The following MPP2 variants were observed in gnomAD, a reference collection of about 807,000 sequenced individuals.
The protein encoded by MPP2 is MAGUK p55 subfamily member 2.
In MPP2, 42 loss-of-function variants were observed where a neutral mutation model predicts 58.5. The ratio of observed to expected loss-of-function variants is 0.72; its 90% CI spans 0.56 to 0.93. MPP2 has a LOEUF of 0.93. Ranked by LOEUF, MPP2 falls within the 40% of genes least tolerant of loss-of-function variation. The pLI is 0.00. For missense variants in MPP2, 632 were observed against 760.4 expected (o/e 0.83, Z 1.99); for synonymous variants, 300 against 307.8 (o/e 0.97, Z 0.26).
At chr17:43,886,182 C>T (rs2143614303) in intron 3 of MPP2, among the ~76,000 whole-genome samples, 1 of 151,962 alleles carries the variant, frequency 6.6e-6, no homozygotes, top group African/African-American at 2.4e-5. Context: ...CCTTTGATAC[C>T]CTAGGGCTTT....
At chr17:43,882,237 A>G in intron 6 of MPP2, 47 bp downstream of exon 6, 1 of 1,534,644 alleles carries the variant, frequency 6.5e-7, no homozygotes, top group Non-Finnish European at 8.9e-7. Context: ...CTTGACAGCC[A>G]GGAGGCTCAG....
At chr17:43,900,586 C>A (rs759805934) in intron 2 of MPP2, 8 of 1,513,690 alleles carry the variant, frequency 5.3e-6, no homozygotes, top group Non-Finnish European at 7.1e-6. Context: ...CCCGGAGCGT[C>A]CTACACGCCG....
In MPP2 at chr17:43,879,321, A is replaced by G. The variant is rs766998454; in HGVS notation, c.1436T>C (p.Met479Thr). 3 of 1,614,052 alleles carry G rather than the reference A, an allele frequency of 1.9e-6. No individual in the cohort carries two copies. Among genetic ancestry groups the G allele is most frequent in the Admixed American group, 1.7e-5 (1 of 60,012 alleles). Reference protein sequence around the residue: ...EAPDFETLRAMNRAALESGIS... With the variant: ...EAPDFETLRATNRAALESGIS... ...TCCACTCTCCAGCGCAGCCCTGTTC[A>G]TGGCCCGCAGGGTCTCGAAGTCTGG... is the stretch of plus-strand genomic sequence containing the variant. The change falls in exon 12 of 13, where the codon ATG becomes ACG. Residue 479 changes from methionine (M) to threonine (T), a missense_variant. Physicochemically the swap from Met to Thr is moderately conservative, Grantham distance 81. Transcript: ENST00000269095. This position sits in a 1 kb window ranked among gnomAD's most constrained non-coding sequence, Gnocchi z 4.1.
At chr17:43,881,915 T>C (rs978526600) in intron 6 of MPP2, among the ~76,000 whole-genome samples, 1 of 152,056 alleles carries the variant, frequency 6.6e-6, no homozygotes, top group African/African-American at 2.4e-5. Context: ...CCCAATAGGA[T>C]AGGGAGACAG....
Position 43,882,959 on chromosome 17 carries a change from C to T in MPP2, c.397G>A (p.Val133Ile). ...ACCATGCGCACAGCATCGGGAGGTACAGGCTGGTTGCTGAATGTAGGGTCC... is the reference window on the plus strand; with the variant it reads ...ACCATGCGCACAGCATCGGGAGGTATAGGCTGGTTGCTGAATGTAGGGTCC... ...GLDPTFSNQPVPPDAVRMVGI... is the reference protein window; with the variant it reads ...GLDPTFSNQPIPPDAVRMVGI... Residue 133 changes from valine (V) to isoleucine (I), a missense_variant, in exon 5 of 13, where the codon GTA becomes ATA. Val to Ile is a conservative substitution (Grantham distance 29). Coordinates refer to ENST00000269095, the MANE Select transcript of MPP2 (RefSeq NM_005374.5). 2 of 1,614,158 alleles carry T rather than the reference C, an allele frequency of 1.2e-6. No individual in the cohort carries two copies. The highest frequency in any genetic ancestry group is 1.7e-6 in the Non-Finnish European group (2 of 1,180,026).
At chr17:43,896,818 G>A (rs2047866551) in intron 3 of MPP2, among the ~76,000 whole-genome samples, 1 of 152,050 alleles carries the variant, frequency 6.6e-6, no homozygotes, top group African/African-American at 2.4e-5. Context: ...ATTCCCAGGA[G>A]AGGACTGCTC....
At chr17:43,907,414 G>C in intron 1 of MPP2, 60 bp downstream of exon 1, 1 of 985,626 alleles carries the variant, frequency 1.0e-6, no homozygotes, top group South Asian at 4.7e-5. Flanking sequence ...GCCGTGTCAG[G>C]ACGAAAAGAA....
At position 43,875,713 on chromosome 17, in the gene MPP2, A is replaced by G. The variant is rs1567864745; in HGVS notation, c.*2094T>C. 6.6e-6 allele frequency: 1 copy of G among 152,358 alleles called. No individual in the cohort carries two copies. The allele number at this position is 152,358 out of a possible 1,614,324, so 9.4% of individuals were successfully genotyped here. ...GAGGCTGCTCAGAGAGGAAAGACCG[A>G]GAAGAGACAGGAGGGAAGGGCCCCA... On this transcript the variant is annotated 3_prime_UTR_variant, in exon 13 of 13. Transcript: ENST00000269095.
chr17:43,880,990 G>A lies in MPP2; in HGVS notation c.988+100C>T. ...GCAGGGCCTAGGGACACGGCTGGCAGCATCTGAGCCAGGCACACGTCGTCA... is the reference window on the plus strand; with the variant it reads ...GCAGGGCCTAGGGACACGGCTGGCAACATCTGAGCCAGGCACACGTCGTCA... On this transcript the variant is annotated intron_variant, in intron 9 of 12. Coordinates refer to ENST00000269095, the MANE Select transcript of MPP2 (RefSeq NM_005374.5). The surrounding 1 kb of genome is among the most constrained non-coding windows in gnomAD (Gnocchi z 5.2). 6.5e-7 allele frequency: 1 copy of A among 1,526,862 alleles called. No homozygotes were observed. 94.6% of individuals were successfully genotyped at this position (1,526,862 alleles called of 1,614,324 possible). A position where few individuals can be genotyped will look rare whatever the true frequency, so the allele number is the denominator to read the frequency against.
In MPP2 at chr17:43,904,355, AG is replaced by A. The variant is rs1017215969; in HGVS notation, c.31+74del. The A allele has an allele frequency of 3.5e-6, 5 of 1,438,008 alleles. No individual in the cohort carries two copies. The African/African-American group carries it at 7.0e-5, about 20-fold the overall frequency. The allele number at this position is 1,438,008 out of a possible 1,614,324, so 89.1% of individuals were successfully genotyped here. A position where few individuals can be genotyped will look rare whatever the true frequency, so the allele number is the denominator to read the frequency against. ...GTTGGTTCTTATCTGGAGCTGTGCAAGTGCCCACCCCTAAGTCCTCGCCTGG... is the reference window on the plus strand; with the variant it reads ...GTTGGTTCTTATCTGGAGCTGTGCAATGCCCACCCCTAAGTCCTCGCCTGG... On this transcript the variant is annotated intron_variant, in intron 2 of 12. Coordinates refer to ENST00000269095, the MANE Select transcript of MPP2 (RefSeq NM_005374.5).
At chr17:43,897,024 A>G (rs188118294) in intron 3 of MPP2, among the ~76,000 whole-genome samples, 48 of 152,132 alleles carry the variant, frequency 3.2e-4, no homozygotes, top group Non-Finnish European at 4.3e-4. Flanking sequence ...CCACCAGTTT[A>G]CCCTAAGGTC....
chr17:43,896,893 C>T (rs901007849), intron 3 of MPP2, among the ~76,000 whole-genome samples: 1 of 152,066 alleles, frequency 6.6e-6, no homozygotes, highest in Non-Finnish European at 1.5e-5. Flanking sequence ...TTGCCTCCAA[C>T]GCAGCCATGG....
Position 43,883,060 on chromosome 17 carries a change from G to T in MPP2, c.304-8C>A, listed in dbSNP as rs1472963324. The T allele has an allele frequency of 4.6e-5, 74 of 1,608,186 alleles. No homozygotes were observed. In the East Asian group the frequency reaches 1.7e-3, roughly 36 times the overall value. On this transcript the variant is annotated splice_region_variant and splice_polypyrimidine_tract_variant and intron_variant, in intron 4 of 12. Coordinates refer to ENST00000269095, the MANE Select transcript of MPP2 (RefSeq NM_005374.5). ...GTGCGTCTCCAGGAGGGACTGGGGG[G>T]TGGTGGGAAGAGAAGGGACAATGGG... is the stretch of plus-strand genomic sequence containing the variant.
intron 3 of MPP2, among the ~76,000 whole-genome samples, chr17:43,884,609 T>C (rs2047286783): frequency 6.6e-6 from 1 of 152,232 alleles, no homozygotes; most frequent in Non-Finnish European, 1.5e-5. Flanking sequence ...CTTACGTTAA[T>C]CCTTTTGACA....
Position 43,882,909 on chromosome 17 carries a change from T to A in MPP2, c.447A>T (p.Glu149Asp). The change falls in exon 5 of 13, where the codon GAA (glutamate) becomes GAT (aspartate). Residue 149 changes from glutamate (E) to aspartate (D), a missense_variant. By Grantham distance (45) the Glu-to-Asp change is conservative. Transcript: ENST00000269095. ...GGCCCTGCCCAGTCCTCACCAGATG[T>A]TCTCCGGCTGTCTTGCGGATGCCCA... ...RMVGIRKTAG[E>D]HLGVTFRVEG... is the part of the protein sequence containing the mutation. 6.2e-7 allele frequency: 1 copy of A among 1,614,046 alleles called. No individual in the cohort carries two copies. The highest frequency in any genetic ancestry group is 8.5e-7 in the Non-Finnish European group (1 of 1,180,004).
rs572967307 is a variant in MPP2, at chr17:43,883,072, GA to G, written c.304-21del. 2.5e-5 allele frequency: 40 copies of G among 1,602,906 alleles called. No homozygotes were observed. In the South Asian group the frequency reaches 4.0e-4, roughly 16 times the overall value. ...GAGGGACTGGGGGGTGGTGGGAAGAGAAGGGACAATGGGGCAGTGTCCCGGG... is the reference window on the plus strand; with the variant it reads ...GAGGGACTGGGGGGTGGTGGGAAGAGAGGGACAATGGGGCAGTGTCCCGGG... On this transcript the variant is annotated intron_variant, in intron 4 of 12. Coordinates refer to ENST00000269095, the MANE Select transcript of MPP2 (RefSeq NM_005374.5).
chr17:43,898,469 C>G, intron 2 of MPP2, 89 bp from the exon 3 acceptor site: 2 of 875,604 alleles, frequency 2.3e-6, no homozygotes, highest in Non-Finnish European at 3.7e-6. Context: ...CTTCCCCACC[C>G]CCATGTCCCA....
At chr17:43,885,841 T>A (rs1018863501) in intron 3 of MPP2, among the ~76,000 whole-genome samples, 1 of 152,160 alleles carries the variant, frequency 6.6e-6, no homozygotes, top group Non-Finnish European at 1.5e-5. Flanking sequence ...CCAGGCGCAG[T>A]GGCTCATGCC....
intron 2 of MPP2, chr17:43,901,237 GGAGGT>G (rs1394205935): frequency 6.1e-5 from 60 of 984,674 alleles, no homozygotes; most frequent in Non-Finnish European, 6.9e-5. Flanking sequence ...GGTACGTGGG[GGAGGT>G]GGCATCGCTG....
Sources: allele counts gnomAD v4.1 joint callset (sites outside exome capture counted in the v4.1 genomes callset), GRCh38; gene constraint gnomAD v4.1.1; non-coding constraint Gnocchi (gnomAD v3.1); transcripts MANE v1.5; gene names NCBI Gene and HGNC (gene_info 2026-07-23, HGNC 2026-07-21).